The following CDH18 variants were observed in gnomAD, a reference collection of about 807,000 sequenced individuals.
CDH18 encodes cadherin 18.
CDH18 carries 31 observed loss-of-function variants against 67.9 expected under a neutral mutation model. That is an observed-to-expected ratio of 0.46 (90% confidence interval 0.34 to 0.62). CDH18 has a LOEUF of 0.62. Ranked by LOEUF, CDH18 falls within the 20% of genes least tolerant of loss-of-function variation. The pLI is 0.01. For missense variants in CDH18, 890 were observed against 975.5 expected (o/e 0.91, Z 1.17); for synonymous variants, 362 against 347.2 (o/e 1.04, Z -0.48).
chr5:19,566,495 C>T (rs918674912), intron 8 of CDH18, among the ~76,000 whole-genome samples: 9 of 152,154 alleles, frequency 5.9e-5, no homozygotes, highest in African/African-American at 1.7e-4. Context: ...GGAGGCCTCA[C>T]AATCATGGTG....
At chr5:20,333,528 T>TAC (rs10658368) in intron 1 of CDH18, among the ~76,000 whole-genome samples, 55,473 of 136,386 alleles carry the variant, frequency 0.41, 13,040 homozygotes, top group Middle Eastern at 0.56. Flanking sequence ...ACAATATATA[T>TAC]ACACACACAC....
chr5:20,262,706 T>C (rs1308187386), intron 1 of CDH18, among the ~76,000 whole-genome samples: 2 of 152,126 alleles, frequency 1.3e-5, no homozygotes, highest in Non-Finnish European at 1.5e-5. Flanking sequence ...CCAATGCCTT[T>C]GATTTAGCCA....
At position 19,543,965 on chromosome 5, in the gene CDH18, T is replaced by G. The variant is rs1413651631; in HGVS notation, c.1294A>C (p.Asn432His). 6.3e-7 allele frequency: 1 copy of G among 1,594,860 alleles called. No homozygotes were observed. The highest frequency in any genetic ancestry group is 8.6e-7 in the Non-Finnish European group (1 of 1,166,404). The change falls in exon 9 of 13, where the codon AAC becomes CAC. Residue 432 changes from asparagine (N) to histidine (H), a missense_variant. Around this residue, in one of 2 missense-constraint regions of CDH18, gnomAD observed 656 missense variants for 668.1 expected, o/e 0.98. Transcript: ENST00000382275. Reference protein sequence around the residue: ...NYNVEDDRFFNIDANTGTIRT... With the variant: ...NYNVEDDRFFHIDANTGTIRT... Reference sequence around the variant, plus strand: ...ATGGTCCCAGTATTGGCATCAATGTTGAAAAATCTGTCGTCTTCAACATTG... The same window carrying G: ...ATGGTCCCAGTATTGGCATCAATGTGGAAAAATCTGTCGTCTTCAACATTG...
intron 5 of CDH18, among the ~76,000 whole-genome samples, chr5:19,671,128 A>T (rs1190166388): frequency 6.6e-6 from 1 of 152,098 alleles, no homozygotes; most frequent in African/African-American, 2.4e-5. Flanking sequence ...TTGTTTAAGA[A>T]ATTACGTTAT....
At chr5:19,493,545 TG>T (rs1741821163) in intron 11 of CDH18, among the ~76,000 whole-genome samples, 1 of 151,458 alleles carries the variant, frequency 6.6e-6, no homozygotes, top group Admixed American at 6.6e-5. Flanking sequence ...GGGGTGTGTG[TG>T]TGTGTGTGTG....
At chr5:20,316,087 G>A (rs1737434296) in intron 1 of CDH18, among the ~76,000 whole-genome samples, 1 of 152,044 alleles carries the variant, frequency 6.6e-6, no homozygotes, top group South Asian at 2.1e-4. Context: ...GTGAGCTTTG[G>A]CAAGACATAC....
intron 2 of CDH18, among the ~76,000 whole-genome samples, chr5:19,932,149 G>T (rs779297487): frequency 6.6e-6 from 1 of 151,780 alleles, no homozygotes; most frequent in South Asian, 2.1e-4. Flanking sequence ...TGGCATATGG[G>T]ATATCTTATA....
intron 7 of CDH18, among the ~76,000 whole-genome samples, chr5:19,588,354 C>G (rs564533467): frequency 1.1e-4 from 16 of 151,982 alleles, no homozygotes; most frequent in African/African-American, 3.9e-4. Flanking sequence ...CAAATAAATG[C>G]TGAGGGAATT....
At chr5:20,420,456 C>T (rs544341959) in intron 1 of CDH18, among the ~76,000 whole-genome samples, 3 of 150,980 alleles carry the variant, frequency 2.0e-5, no homozygotes, top group Admixed American at 2.0e-4. Context: ...TAGATTTTAA[C>T]GTTATAAAAA....
chr5:20,354,649 C>G (rs546362605), intron 1 of CDH18, among the ~76,000 whole-genome samples: 1 of 152,240 alleles, frequency 6.6e-6, no homozygotes, highest in Admixed American at 6.5e-5. Flanking sequence ...TGAATTCAAG[C>G]GAACCACCTA....
intron 1 of CDH18, among the ~76,000 whole-genome samples, chr5:20,349,614 A>G (rs145837793): frequency 6.2e-4 from 95 of 152,270 alleles, no homozygotes; most frequent in Non-Finnish European, 1.3e-3. Flanking sequence ...AGGATATAAT[A>G]TCAGTATATC....
chr5:20,140,197 T>A (rs1356453156), intron 2 of CDH18, among the ~76,000 whole-genome samples: 1 of 152,132 alleles, frequency 6.6e-6, no homozygotes, highest in East Asian at 1.9e-4. Context: ...AAACCATCAT[T>A]CTGAGCAAAC....
intron 5 of CDH18, among the ~76,000 whole-genome samples, chr5:19,623,999 T>TTAC (rs1488307048): frequency 5.4e-5 from 8 of 147,444 alleles, no homozygotes; most frequent in Admixed American, 1.4e-4. Flanking sequence ...ATTATTATTA[T>TTAC]TATTATTATT....
intron 10 of CDH18, among the ~76,000 whole-genome samples, chr5:19,511,139 C>T (rs571933993): frequency 1.1e-4 from 17 of 152,122 alleles, no homozygotes; most frequent in South Asian, 4.2e-4. Flanking sequence ...AGCAGCTCAT[C>T]CCCCATCTCT....
chr5:19,474,171 G>A (rs1288728415), intron 12 of CDH18, among the ~76,000 whole-genome samples: 1 of 152,112 alleles, frequency 6.6e-6, no homozygotes, highest in Non-Finnish European at 1.5e-5. Context: ...TTGGAAGAAG[G>A]AGCCTTAACG....
intron 2 of CDH18, among the ~76,000 whole-genome samples, chr5:20,231,445 A>G (rs564794612): frequency 2.0e-5 from 3 of 152,172 alleles, no homozygotes; most frequent in Admixed American, 1.3e-4. Context: ...TACTAAAAAT[A>G]CAAAAATTAG....
chr5:20,238,011 G>C (rs998522182), intron 2 of CDH18, among the ~76,000 whole-genome samples: 2 of 151,878 alleles, frequency 1.3e-5, no homozygotes, highest in African/African-American at 4.8e-5. Context: ...ATTATATATG[G>C]GAAATTGATT....
At chr5:19,718,022 T>C (rs934769785) in intron 5 of CDH18, among the ~76,000 whole-genome samples, 3 of 151,970 alleles carry the variant, frequency 2.0e-5, no homozygotes, top group African/African-American at 7.2e-5. Flanking sequence ...ACCATACTGA[T>C]AAGATTTCAG....
intron 5 of CDH18, among the ~76,000 whole-genome samples, chr5:19,680,979 A>T (rs1166197536): frequency 6.6e-6 from 1 of 152,066 alleles, no homozygotes; most frequent in Non-Finnish European, 1.5e-5. Context: ...TCATCATAGC[A>T]CTATTTATAA....
Sources: allele counts gnomAD v4.1 joint callset (sites outside exome capture counted in the v4.1 genomes callset), GRCh38; gene constraint gnomAD v4.1.1; regional missense constraint gnomAD v4.1.1; transcripts MANE v1.5; gene names NCBI Gene and HGNC (gene_info 2026-07-23, HGNC 2026-07-21).